Variants in SLC22A24 observed in about 807,000 individuals in gnomAD.
The protein encoded by SLC22A24 is steroid transmembrane transporter SLC22A24.
Under a neutral mutation model 49.8 loss-of-function variants are expected in SLC22A24, and 53 were observed. That is an observed-to-expected ratio of 1.06 (90% CI 0.85 to 1.34). SLC22A24 has a LOEUF of 1.34. Among genes scored for constraint, SLC22A24 ranks in the 40% most tolerant of loss-of-function variants. The probability of loss-of-function intolerance (pLI) is 0.00; values close to 1 mark genes in which losing one functional copy is unlikely to be tolerated. For synonymous variants in SLC22A24, 302 were observed against 256.4 expected (o/e 1.18, Z -1.70); for missense variants, 786 against 675.9 (o/e 1.16, Z -1.81).
intron 4 of SLC22A24, among the ~76,000 whole-genome samples, chr11:63,113,850 T>C (rs1305437606): frequency 8.1e-6 from 1 of 123,280 alleles, no homozygotes; most frequent in African/African-American, 3.2e-5. Flanking sequence ...TGAGACTCCA[T>C]CTCAAAAAAA....
rs568201003 is a variant in SLC22A24, at chr11:63,118,641, A to G, written c.830+271T>C. The G allele has an allele frequency of 2.0e-4, 111 of 557,552 alleles. 1 individual carries two copies. The highest frequency in any genetic ancestry group is 1.7e-3 in the Admixed American group (53 of 31,478). 34.5% of individuals were successfully genotyped at this position (557,552 alleles called of 1,614,324 possible). A position where few individuals can be genotyped will look rare whatever the true frequency, so the allele number is the denominator to read the frequency against. On this transcript the variant is annotated intron_variant, in intron 4 of 9. Transcript: ENST00000612278. ...ATTCCAAAAGTTAGATAAATAATAC[A>G]TTTGCTTCAAAAATAAGTGGGTATT...
intron 6 of SLC22A24, among the ~76,000 whole-genome samples, chr11:63,091,119 A>G (rs747338862): frequency 1.6e-4 from 24 of 152,240 alleles, no homozygotes; most frequent in Non-Finnish European, 3.1e-4. Flanking sequence ...AAAGAATACT[A>G]TAAACACCTC....
Position 63,083,340 on chromosome 11 carries a change from G to A in SLC22A24, c.1188C>T (p.Ser396=), listed in dbSNP as rs377490228. 1.4e-4 allele frequency: 216 copies of A among 1,556,286 alleles called. No homozygotes were observed. The African/African-American group carries it at 2.7e-3, about 19-fold the overall frequency. Residue 396 remains serine, a synonymous_variant, in exon 7 of 10, where the codon TCC becomes TCT. Transcript: ENST00000612278. ...GAVTFTARCV[S]LLTLNHMGRR... ...GACCCATATGATTCAGTGTCAAAAGGGAAACACATCTGGCTGTGAATGTGA... is the reference window on the plus strand; with the variant it reads ...GACCCATATGATTCAGTGTCAAAAGAGAAACACATCTGGCTGTGAATGTGA...
chr11:63,116,990 C>T (rs1287703869), intron 4 of SLC22A24, among the ~76,000 whole-genome samples: 2 of 151,706 alleles, frequency 1.3e-5, no homozygotes, highest in Admixed American at 1.3e-4. Flanking sequence ...TTTTTTGTTA[C>T]TTATTTAGAC....
At chr11:63,102,975 C>T (rs1324873660) in intron 5 of SLC22A24, among the ~76,000 whole-genome samples, 1 of 152,146 alleles carries the variant, frequency 6.6e-6, no homozygotes, top group Non-Finnish European at 1.5e-5. Context: ...TCAATTTATA[C>T]AAACACAAAG....
intron 4 of SLC22A24, among the ~76,000 whole-genome samples, chr11:63,106,442 A>G (rs559942448): frequency 6.6e-6 from 1 of 152,202 alleles, no homozygotes; most frequent in Non-Finnish European, 1.5e-5. Flanking sequence ...CTTTGGGTAC[A>G]TACCCAGTAA....
At chr11:63,109,699 C>CT (rs2087148328) in intron 4 of SLC22A24, among the ~76,000 whole-genome samples, 1 of 151,932 alleles carries the variant, frequency 6.6e-6, no homozygotes, top group Admixed American at 6.6e-5. Flanking sequence ...GGGTTGTTTG[C>CT]TTTTTTCTTG....
At chr11:63,082,344 A>C (rs2086965046) in intron 7 of SLC22A24, among the ~76,000 whole-genome samples, 7 of 152,230 alleles carry the variant, frequency 4.6e-5, no homozygotes, top group Admixed American at 4.6e-4. Flanking sequence ...AAATTCAAAA[A>C]GGTACTTTTT....
chr11:63,106,465 G>A (rs528707961), intron 4 of SLC22A24, among the ~76,000 whole-genome samples: 30 of 152,232 alleles, frequency 2.0e-4, no homozygotes, highest in African/African-American at 7.0e-4. Flanking sequence ...GGATGGCTGG[G>A]TCAAATGGTA....
chr11:63,088,382 A>ATCAACATCAACC (rs1264646864), intron 6 of SLC22A24, among the ~76,000 whole-genome samples: 1 of 152,100 alleles, frequency 6.6e-6, no homozygotes, highest in Admixed American at 6.6e-5. Flanking sequence ...CAACATCAAC[A>ATCAACATCAACC]TCAACATCAA....
At chr11:63,124,467 G>A (rs982401515) in intron 2 of SLC22A24, among the ~76,000 whole-genome samples, 3 of 152,170 alleles carry the variant, frequency 2.0e-5, no homozygotes, top group Non-Finnish European at 4.4e-5. Flanking sequence ...AACAGAACAA[G>A]GTAGTTATTT....
chr11:63,118,329 A>G (rs1222912760), intron 4 of SLC22A24, among the ~76,000 whole-genome samples: 2 of 152,182 alleles, frequency 1.3e-5, no homozygotes, highest in Non-Finnish European at 2.9e-5. Flanking sequence ...TTTTTCTTCA[A>G]CAAAAGATTC....
intron 2 of SLC22A24, among the ~76,000 whole-genome samples, chr11:63,131,083 A>G (rs553339686): frequency 1.8e-4 from 28 of 152,206 alleles, no homozygotes; most frequent in African/African-American, 5.5e-4. Context: ...TTTATCAGAT[A>G]CTAGGATTGC....
At chr11:63,141,826 C>A (rs1415028491) in intron 1 of SLC22A24, among the ~76,000 whole-genome samples, 1 of 152,148 alleles carries the variant, frequency 6.6e-6, no homozygotes, top group Non-Finnish European at 1.5e-5. Flanking sequence ...TACAGTGAAA[C>A]TAAAGTTTGT....
intron 5 of SLC22A24, among the ~76,000 whole-genome samples, chr11:63,101,024 G>A (rs1489204889): frequency 6.6e-6 from 1 of 152,016 alleles, no homozygotes; most frequent in Non-Finnish European, 1.5e-5. Context: ...AGAAGCACAG[G>A]CAGACAAAGT....
intron 6 of SLC22A24, among the ~76,000 whole-genome samples, chr11:63,084,357 A>G (rs1176634439): frequency 1.3e-5 from 2 of 152,174 alleles, no homozygotes; most frequent in African/African-American, 2.4e-5. Context: ...CGCAGGTTGT[A>G]TAGGCTCTGA....
chr11:63,133,613 C>T (rs1021011135), intron 2 of SLC22A24, among the ~76,000 whole-genome samples: 1 of 152,026 alleles, frequency 6.6e-6, no homozygotes, highest in Non-Finnish European at 1.5e-5. Context: ...ATCTCATCCT[C>T]AAGCAAAGTC....
chr11:63,138,584 G>GT (rs2087391945), intron 1 of SLC22A24, among the ~76,000 whole-genome samples: 1 of 132,676 alleles, frequency 7.5e-6, no homozygotes, highest in Non-Finnish European at 1.5e-5. Context: ...GGAGCTTGCA[G>GT]TGAGCCAAGA....
chr11:63,103,684 G>T (rs12807647), intron 5 of SLC22A24, among the ~76,000 whole-genome samples: 7,576 of 152,140 alleles, frequency 0.05, 311 homozygotes, highest in Non-Finnish European at 0.075. Flanking sequence ...TGCCAAAAAG[G>T]TCTTTTATCT....
Sources: allele counts gnomAD v4.1 joint callset (sites outside exome capture counted in the v4.1 genomes callset), GRCh38; gene constraint gnomAD v4.1.1; transcripts MANE v1.5; gene names NCBI Gene and HGNC (gene_info 2026-07-23, HGNC 2026-07-21).